Variants in NRAP observed in about 807,000 individuals in gnomAD.
NRAP encodes the protein nebulin-related-anchoring protein.
In NRAP, 189 loss-of-function variants were observed where a neutral mutation model predicts 225.9. That is an observed-to-expected ratio of 0.84 (90% confidence interval 0.74 to 0.94). The LOEUF (loss-of-function observed/expected upper bound fraction) is 0.94. Among genes scored for constraint, NRAP ranks in the 40% least tolerant of loss-of-function variants. The probability of loss-of-function intolerance (pLI) is 0.00; values close to 1 mark genes in which losing one functional copy is unlikely to be tolerated. For missense variants in NRAP, 2,176 were observed against 2,168.7 expected, an observed-to-expected ratio of 1.00 and a Z score of -0.07; for synonymous variants, 769 against 790.7, an observed-to-expected ratio of 0.97 and a Z score of 0.46.
chr10:113,617,722 A>G (rs943301057), intron 25 of NRAP, among the ~76,000 whole-genome samples, 169 bp from the exon 26 acceptor site: 3 of 152,194 alleles, frequency 2.0e-5, no homozygotes, highest in Admixed American at 2.0e-4. Flanking sequence ...ATTTGTTTCA[A>G]TTTAAGAATA....
At position 113,650,553 on chromosome 10, in the gene NRAP, G is replaced by GA. The variant is rs1469327098; in HGVS notation, c.676-9dup. On this transcript the variant is annotated splice_polypyrimidine_tract_variant and intron_variant, in intron 7 of 41. Coordinates refer to ENST00000359988, the MANE Select transcript of NRAP (RefSeq NM_198060.4). The stretch of plus-strand genomic sequence containing the variant: ...GTCCTCTGTGTATCTCACCTGAAAT[G>GA]AAAAAACATGTGAATCACATGCCCC... The GA allele has an allele frequency of 9.6e-6, 15 of 1,562,388 alleles. No homozygotes were observed. Among genetic ancestry groups the GA allele is most frequent in the Non-Finnish European group, 1.3e-5 (15 of 1,133,020 alleles).
chr10:113,644,546 G>A (rs896662475), intron 11 of NRAP, among the ~76,000 whole-genome samples: 1 of 152,216 alleles, frequency 6.6e-6, no homozygotes, highest in African/African-American at 2.4e-5. Flanking sequence ...CAGTGGGCTG[G>A]ATTTGTCACT....
Position 113,612,219 on chromosome 10 carries a change from G to T in NRAP, c.3498+15C>A, listed in dbSNP as rs1259043294. On this transcript the variant is annotated intron_variant, in intron 30 of 41. Coordinates refer to ENST00000359988, the MANE Select transcript of NRAP (RefSeq NM_198060.4). ...GAGAAGAAGGGGCCCTGAGAAAGAG[G>T]CCAGGTCTCCTTACCTCACTCTGCA... 6 of 1,610,908 alleles carry T rather than the reference G, an allele frequency of 3.7e-6. No homozygotes were observed. Among genetic ancestry groups the T allele is most frequent in the Non-Finnish European group, 5.1e-6 (6 of 1,177,224 alleles).
chr10:113,642,351 G>T (rs1212348277), intron 12 of NRAP, among the ~76,000 whole-genome samples: 2 of 152,082 alleles, frequency 1.3e-5, no homozygotes, highest in Non-Finnish European at 1.5e-5. Context: ...TCCTCACTGT[G>T]CCTTACACAG....
At chr10:113,659,301 AC>A (rs1850514255) in intron 3 of NRAP, among the ~76,000 whole-genome samples, 1 of 152,160 alleles carries the variant, frequency 6.6e-6, no homozygotes, top group African/African-American at 2.4e-5. Flanking sequence ...CCAGGTCTCC[AC>A]CCACCAGATG....
At chr10:113,605,621 A>G in intron 34 of NRAP, 141 bp downstream of exon 34, 1 of 640,158 alleles carries the variant, frequency 1.6e-6, no homozygotes. Flanking sequence ...AATCTCATTC[A>G]TAACTAATAT....
chr10:113,638,300 C>T (rs1222363908), intron 14 of NRAP, among the ~76,000 whole-genome samples: 2 of 152,182 alleles, frequency 1.3e-5, no homozygotes, highest in African/African-American at 4.8e-5. Flanking sequence ...ACCACAAATG[C>T]TTGGCCATTG....
intron 25 of NRAP, among the ~76,000 whole-genome samples, chr10:113,620,267 C>A (rs1847908454): frequency 6.6e-6 from 1 of 152,066 alleles, no homozygotes; most frequent in Non-Finnish European, 1.5e-5. Context: ...CTAAAGTCAC[C>A]AAAGAGCTTT....
At chr10:113,624,704 C>A in intron 22 of NRAP, 122 bp downstream of exon 22, 1 of 702,814 alleles carries the variant, frequency 1.4e-6, no homozygotes, top group Non-Finnish European at 2.5e-6. Flanking sequence ...GTTTTTACAA[C>A]AACCAGATGT....
At chr10:113,628,466 G>T (rs1385742461) in intron 20 of NRAP, among the ~76,000 whole-genome samples, 1 of 152,126 alleles carries the variant, frequency 6.6e-6, no homozygotes, top group Non-Finnish European at 1.5e-5. Flanking sequence ...GGGATTACAG[G>T]CCAACCTCTT....
intron 2 of NRAP, among the ~76,000 whole-genome samples, 172 bp from the exon 3 acceptor site, chr10:113,662,938 A>G (rs1275507684): frequency 1.3e-5 from 2 of 152,228 alleles, no homozygotes; most frequent in Non-Finnish European, 2.9e-5. Flanking sequence ...CAGAAAAAAA[A>G]GCAAATCAAA....
In NRAP at chr10:113,663,810, C is replaced by A; in HGVS notation, c.72+1G>T. 6.2e-7 allele frequency: 1 copy of A among 1,610,278 alleles called. No homozygotes were observed. The highest frequency in any genetic ancestry group is 8.5e-7 in the Non-Finnish European group (1 of 1,176,570). ...ACAAAAGCCAAGAAATGTCTACTGA[C>A]CTGATCTATACAGCTGATCTTCTCG... On this transcript the variant is annotated splice_donor_variant, in intron 1 of 41. Coordinates refer to ENST00000359988, the MANE Select transcript of NRAP (RefSeq NM_198060.4). LOFTEE classifies it high-confidence loss of function.
At chr10:113,595,750 G>A (rs1846253406) in intron 37 of NRAP, 23 bp from the exon 38 acceptor site, 2 of 1,498,998 alleles carry the variant, frequency 1.3e-6, no homozygotes, top group African/African-American at 1.4e-5. Context: ...TGGGCTCATG[G>A]TAAATAGAGA....
At chr10:113,590,423 ATTG>A (rs1174613524) in intron 40 of NRAP, among the ~76,000 whole-genome samples, 152 bp downstream of exon 40, 4 of 152,122 alleles carry the variant, frequency 2.6e-5, no homozygotes, top group Admixed American at 2.6e-4. Flanking sequence ...GGTGGTTATT[ATTG>A]TTATTCTTTC....
chr10:113,599,483 CG>C (rs915050197), intron 35 of NRAP, among the ~76,000 whole-genome samples: 1 of 152,176 alleles, frequency 6.6e-6, no homozygotes, highest in African/African-American at 2.4e-5. Context: ...TCTTCACAGC[CG>C]GGCCTTGCTC....
In NRAP at chr10:113,650,307, T is replaced by C. The variant is rs1849864469; in HGVS notation, c.783+131A>G. 3.7e-6 allele frequency: 3 copies of C among 812,198 alleles called. No homozygotes were observed. In the Admixed American group the frequency reaches 6.3e-5, roughly 17 times the overall value. The allele number at this position is 812,198 out of a possible 1,614,324, so 50.3% of individuals were successfully genotyped here. On this transcript the variant is annotated intron_variant, in intron 8 of 41. Coordinates refer to ENST00000359988, the MANE Select transcript of NRAP (RefSeq NM_198060.4). ...GGTCATTGTCATTGGTAAAATTGAC[T>C]TAAAACTATAAAGGAAAACTACTCC...
intron 30 of NRAP, among the ~76,000 whole-genome samples, chr10:113,612,014 C>CT (rs1177363924): frequency 3.9e-5 from 6 of 152,158 alleles, no homozygotes; most frequent in Non-Finnish European, 8.8e-5. Context: ...TAAAACAATG[C>CT]TTAGAGTGCA....
chr10:113,628,832 G>C lies in NRAP; in HGVS notation c.2145+85C>G, dbSNP rs944304832. ...CACAGCCAAAATAAATCTGAGGATA[G>C]AGAAAGGGAATTAGAGGCAAAGATC... On this transcript the variant is annotated intron_variant, in intron 20 of 41. Coordinates refer to ENST00000359988, the MANE Select transcript of NRAP (RefSeq NM_198060.4). 31 of 740,222 alleles carry C rather than the reference G, an allele frequency of 4.2e-5. No homozygotes were observed. The East Asian group carries it at 7.6e-4, about 18-fold the overall frequency. The allele number at this position is 740,222 out of a possible 1,614,324, so 45.9% of individuals were successfully genotyped here.
chr10:113,636,477 T>C (rs1422198483), intron 14 of NRAP, among the ~76,000 whole-genome samples: 4 of 152,194 alleles, frequency 2.6e-5, no homozygotes, highest in African/African-American at 9.6e-5. Context: ...GGGAGCCAGA[T>C]AGACCACTAG....
Sources: gnomAD v4.1 joint callset for allele counts (sites outside exome capture counted in the v4.1 genomes callset) on GRCh38, gnomAD v4.1.1 for gene constraint, MANE v1.5 for transcripts, NCBI Gene and HGNC (gene_info 2026-07-23, HGNC 2026-07-21) for gene names.